Variants in INPP4A observed in about 807,000 individuals in gnomAD.
INPP4A encodes inositol polyphosphate-4-phosphatase type I A.
A neutral mutation model predicts 119.8 loss-of-function variants in INPP4A; 33 were observed. The ratio of observed to expected loss-of-function variants is 0.28; its 90% CI spans 0.21 to 0.37. The LOEUF (loss-of-function observed/expected upper bound fraction) is 0.37, where lower values mean the gene tolerates loss of function less well. Ranked by LOEUF, INPP4A falls within the 10% of genes least tolerant of loss-of-function variation. The probability of loss-of-function intolerance (pLI) is 1.00; values close to 1 mark genes in which losing one functional copy is unlikely to be tolerated. For missense variants in INPP4A, 956 were observed against 1,289.9 expected, an observed-to-expected ratio of 0.74 and a Z score of 3.97; for synonymous variants, 496 against 500.7, an observed-to-expected ratio of 0.99 and a Z score of 0.12.
intron 1 of INPP4A, among the ~76,000 whole-genome samples, chr2:98,512,498 G>A (rs557552679): frequency 1.3e-5 from 2 of 152,358 alleles, no homozygotes; most frequent in East Asian, 1.9e-4. Context: ...AGGCTGGGAA[G>A]TCCTGGAGCA....
In INPP4A at chr2:98,457,648, AGAT is replaced by A. The variant is rs142907261; in HGVS notation, c.-166+12564_-166+12566del. Among the ~76,000 whole-genome samples, 793 of 152,328 alleles carry A rather than the reference AGAT, an allele frequency of 5.2e-3. 11 individuals are homozygous for A. The highest frequency in any genetic ancestry group is 0.018 in the African/African-American group (737 of 41,564). On this transcript the variant is annotated intron_variant, in intron 1 of 24. Transcript: ENST00000409851. The stretch of plus-strand genomic sequence containing the variant: ...AGTTGCTATTTTTACCTCAGAACGT[AGAT>A]TTGTCTGCAAATTAAACATTTGAGA...
chr2:98,501,934 G>A (rs183703448), intron 1 of INPP4A, among the ~76,000 whole-genome samples: 3 of 152,358 alleles, frequency 2.0e-5, no homozygotes, highest in African/African-American at 4.8e-5. Context: ...AGCAGCATTA[G>A]TGTTAGTCTT....
chr2:98,556,298 T>C lies in INPP4A; in HGVS notation c.1822+490T>C, dbSNP rs1046890100. ...TTGGCATTGGCTGGGCACTCTCTTA[T>C]GCAGCAGAGGCATGTTGCCTTGGGA... On this transcript the variant is annotated intron_variant, in intron 16 of 24. Coordinates refer to ENST00000409851, the MANE Select transcript of INPP4A (RefSeq NM_001134225.2). Among the ~76,000 whole-genome samples the C allele has an allele frequency of 3.9e-5, 6 of 152,348 alleles. 1 individual carries two copies. The South Asian group carries it at 1.2e-3, about 32-fold the overall frequency.
At chr2:98,486,461 C>T (rs1416538221) in intron 1 of INPP4A, among the ~76,000 whole-genome samples, 1 of 152,184 alleles carries the variant, frequency 6.6e-6, no homozygotes, top group Non-Finnish European at 1.5e-5. Context: ...TTTTCCACAC[C>T]TTCCTGACCC....
chr2:98,519,980 C>T lies in INPP4A; in HGVS notation c.-69C>T. On this transcript the variant is annotated 5_prime_UTR_variant, in exon 3 of 25. Transcript: ENST00000409851. ...CACTTTAGTGGACTAGGGCTCGGTG[C>T]CAGCACTTCCCGGGTAATCAGGCGT... is the stretch of plus-strand genomic sequence containing the variant. 7.6e-7 allele frequency: 1 copy of T among 1,310,418 alleles called. No individual in the cohort carries two copies. The highest frequency in any genetic ancestry group is 1.1e-6 in the Non-Finnish European group (1 of 926,872). The allele number at this position is 1,310,418 out of a possible 1,614,324, so 81.2% of individuals were successfully genotyped here. A position where few individuals can be genotyped will look rare whatever the true frequency, so the allele number is the denominator to read the frequency against.
chr2:98,582,202 GA>G (rs1323895620), intron 24 of INPP4A, among the ~76,000 whole-genome samples: 2 of 152,018 alleles, frequency 1.3e-5, no homozygotes, highest in African/African-American at 4.8e-5. Context: ...CAAACGAAAA[GA>G]AAAAAACATG....
chr2:98,501,083 G>A lies in INPP4A; in HGVS notation c.-165-17881G>A, dbSNP rs376843183. Among the ~76,000 whole-genome samples, 365 of 152,334 alleles carry A rather than the reference G, an allele frequency of 2.4e-3. 1 individual carries two copies. Among genetic ancestry groups the A allele is most frequent in the African/African-American group, 8.3e-3 (346 of 41,560 alleles). The stretch of plus-strand genomic sequence containing the variant: ...AGCACTGGGATATTTTTGGGAGGCC[G>A]GGGCAGGCGGATCACTTGAGGTCAG... On this transcript the variant is annotated intron_variant, in intron 1 of 24. Transcript: ENST00000409851.
chr2:98,493,426 A>ATT (rs371958433), intron 1 of INPP4A, among the ~76,000 whole-genome samples: 11,273 of 123,026 alleles, frequency 0.092, 742 homozygotes, highest in East Asian at 0.23. Context: ...TTCTATTTCT[A>ATT]TTTTTTTTTT....
At chr2:98,513,489 A>G (rs2105591598) in intron 1 of INPP4A, among the ~76,000 whole-genome samples, 1 of 152,116 alleles carries the variant, frequency 6.6e-6, no homozygotes, top group East Asian at 1.9e-4. Context: ...TCACTTACTC[A>G]CTCATTCCAA....
At chr2:98,463,662 G>T (rs934248178) in intron 1 of INPP4A, among the ~76,000 whole-genome samples, 1 of 152,256 alleles carries the variant, frequency 6.6e-6, no homozygotes, top group Non-Finnish European at 1.5e-5. Context: ...TGGCCCTGGG[G>T]TCTGTCTGTA....
Position 98,546,055 on chromosome 2 carries a change from C to G in INPP4A, c.1036C>G (p.Gln346Glu). The G allele has an allele frequency of 6.3e-7, 1 of 1,581,904 alleles. No homozygotes were observed. The highest frequency in any genetic ancestry group is 8.6e-7 in the Non-Finnish European group (1 of 1,162,842). The change falls in exon 12 of 25, where the codon CAA becomes GAA. Residue 346 changes from glutamine (Q) to glutamate (E), a missense_variant. Transcript: ENST00000409851. The surrounding 1 kb of genome is among the most constrained non-coding windows in gnomAD (Gnocchi z 4.2). ...TNLHIQRMRV[Q>E]DDGGSDQNYD... ...CTTGCACATACAAAGGATGAGAGTT[C>G]AAGACGATGGAGGATCAGGTACCTA...
chr2:98,483,525 C>T (rs572618742), intron 1 of INPP4A, among the ~76,000 whole-genome samples: 1 of 152,274 alleles, frequency 6.6e-6, no homozygotes, highest in Non-Finnish European at 1.5e-5. Context: ...TAATGTCTTG[C>T]TGCATGTGGG....
chr2:98,536,816 C>T (rs754321471), intron 7 of INPP4A, among the ~76,000 whole-genome samples: 2 of 152,262 alleles, frequency 1.3e-5, no homozygotes, highest in South Asian at 2.1e-4. Flanking sequence ...ACAATTAAGT[C>T]CCTGCAGTAT....
intron 1 of INPP4A, among the ~76,000 whole-genome samples, chr2:98,469,600 C>T (rs529294535): frequency 8.6e-5 from 13 of 151,914 alleles, no homozygotes; most frequent in Admixed American, 3.9e-4. Flanking sequence ...GTCAGGAGTT[C>T]GAGGCTAGCC....
chr2:98,546,052 G>A lies in INPP4A; in HGVS notation c.1033G>A (p.Val345Ile), dbSNP rs894173921. 1.3e-6 allele frequency: 2 copies of A among 1,583,822 alleles called. No homozygotes were observed. The highest frequency in any genetic ancestry group is 1.7e-6 in the Non-Finnish European group (2 of 1,163,904). The change falls in exon 12 of 25, where the codon GTT (valine) becomes ATT (isoleucine). Residue 345 changes from valine to isoleucine, a missense_variant. Physicochemically the swap from Val to Ile is conservative, Grantham distance 29. Transcript: ENST00000409851. The surrounding 1 kb of genome is among the most constrained non-coding windows in gnomAD (Gnocchi z 4.2). ...PTNLHIQRMR[V>I]QDDGGSDQNY... ...AAACTTGCACATACAAAGGATGAGA[G>A]TTCAAGACGATGGAGGATCAGGTAC...
intron 2 of INPP4A, 192 bp from the exon 3 acceptor site, chr2:98,519,754 T>C: frequency 2.5e-6 from 1 of 403,464 alleles, no homozygotes. Context: ...ATGGACACCC[T>C]GTGTTGGGGA....
At position 98,572,782 on chromosome 2, in the gene INPP4A, C is replaced by T. The variant is rs112976952; in HGVS notation, c.2519-33C>T. On this transcript the variant is annotated intron_variant, in intron 22 of 24. Transcript: ENST00000409851. Reference sequence around the variant, plus strand: ...CTGCCGGGGGAGTTCCTGGGTGCGTCACCCACTCCCACGAACTCCTTTTCT... The same window carrying T: ...CTGCCGGGGGAGTTCCTGGGTGCGTTACCCACTCCCACGAACTCCTTTTCT... The T allele has an allele frequency of 5.4e-6, 8 of 1,479,364 alleles. No homozygotes were observed. The African/African-American group carries it at 5.6e-5, about 10-fold the overall frequency. 91.6% of individuals were successfully genotyped at this position (1,479,364 alleles called of 1,614,324 possible). A position where few individuals can be genotyped will look rare whatever the true frequency, so the allele number is the denominator to read the frequency against.
chr2:98,448,840 C>T (rs1025941041), intron 1 of INPP4A, among the ~76,000 whole-genome samples: 1 of 151,880 alleles, frequency 6.6e-6, no homozygotes. Context: ...AGTAGCTGGA[C>T]TATAGGTGTG....
chr2:98,561,069 C>A (rs1695384084), intron 17 of INPP4A, among the ~76,000 whole-genome samples: 1 of 152,194 alleles, frequency 6.6e-6, no homozygotes, highest in South Asian at 2.1e-4. Context: ...AAAATATACA[C>A]ACTTACAAAG....
Sources: gnomAD v4.1 joint callset for allele counts (sites outside exome capture counted in the v4.1 genomes callset) on GRCh38, gnomAD v4.1.1 for gene constraint, Gnocchi (gnomAD v3.1) non-coding constraint, MANE v1.5 for transcripts, NCBI Gene and HGNC (gene_info 2026-07-23, HGNC 2026-07-21) for gene names.